CPQ: variants seen among roughly 807,000 people sequenced by gnomAD.
CPQ encodes carboxypeptidase Q.
In CPQ, 37 loss-of-function variants were observed where a neutral mutation model predicts 45.7. That is an observed-to-expected ratio of 0.81 (90% CI 0.62 to 1.07). The LOEUF is 1.07. Among genes scored for constraint, CPQ ranks in the 50% least tolerant of loss-of-function variants. CPQ has a pLI of 0.00. For synonymous variants in CPQ, 186 were observed against 205.8 expected (o/e 0.90, Z 0.82); for missense variants, 537 against 572.9 (o/e 0.94, Z 0.64).
chr8:96,942,437 T>A (rs1164774262), intron 4 of CPQ, among the ~76,000 whole-genome samples: 1 of 152,076 alleles, frequency 6.6e-6, no homozygotes, highest in Non-Finnish European at 1.5e-5. Context: ...CCCAGCGAGA[T>A]TTGTAGTTTT....
intron 1 of CPQ, among the ~76,000 whole-genome samples, chr8:96,676,174 T>C (rs1446448307): frequency 1.3e-5 from 2 of 152,008 alleles, no homozygotes; most frequent in Non-Finnish European, 2.9e-5. Flanking sequence ...AAATTATTAT[T>C]ACTATGTCAC....
intron 7 of CPQ, among the ~76,000 whole-genome samples, chr8:97,126,236 C>T (rs1411574509): frequency 1.3e-5 from 2 of 152,122 alleles, no homozygotes; most frequent in East Asian, 3.8e-4. Context: ...TGCACTTGTA[C>T]CCACTAACCC....
At chr8:96,989,017 C>T (rs1397043663) in intron 5 of CPQ, among the ~76,000 whole-genome samples, 2 of 152,166 alleles carry the variant, frequency 1.3e-5, no homozygotes, top group African/African-American at 4.8e-5. Flanking sequence ...GAGACTCTGA[C>T]AAGATTATCT....
intron 2 of CPQ, among the ~76,000 whole-genome samples, chr8:96,787,324 T>C (rs924458411): frequency 5.3e-5 from 8 of 152,074 alleles, no homozygotes; most frequent in African/African-American, 1.9e-4. Flanking sequence ...AAAAGACTAT[T>C]CTTTCTCCTT....
intron 5 of CPQ, among the ~76,000 whole-genome samples, chr8:96,973,837 C>T (rs552032423): frequency 6.6e-6 from 1 of 152,276 alleles, no homozygotes; most frequent in African/African-American, 2.4e-5. Flanking sequence ...TTCACCACTA[C>T]CGAGCCAGTA....
At chr8:97,089,640 C>G (rs1811099204) in intron 7 of CPQ, among the ~76,000 whole-genome samples, 2 of 152,154 alleles carry the variant, frequency 1.3e-5, no homozygotes, top group Non-Finnish European at 2.9e-5. Context: ...TTACAGGACC[C>G]CTTCTGAAAG....
chr8:97,070,701 A>C (rs1810725603), intron 7 of CPQ, among the ~76,000 whole-genome samples: 1 of 152,318 alleles, frequency 6.6e-6, no homozygotes, highest in East Asian at 1.9e-4. Context: ...AGTGATTCTC[A>C]CACATAAAAT....
intron 7 of CPQ, among the ~76,000 whole-genome samples, chr8:97,079,344 T>C (rs1045011152): frequency 2.0e-5 from 3 of 152,194 alleles, no homozygotes; most frequent in African/African-American, 7.2e-5. Context: ...CCCAAGTAAA[T>C]GCTATGAAGC....
chr8:96,925,855 A>C (rs916722635), intron 4 of CPQ, among the ~76,000 whole-genome samples: 1 of 149,270 alleles, frequency 6.7e-6, no homozygotes, highest in Non-Finnish European at 1.5e-5. Context: ...ACGCCCAGCT[A>C]ATTTTTTGTA....
At chr8:96,742,822 G>A (rs556876561) in intron 1 of CPQ, among the ~76,000 whole-genome samples, 2 of 152,254 alleles carry the variant, frequency 1.3e-5, no homozygotes, top group African/African-American at 2.4e-5. Flanking sequence ...CTTCTGGCTT[G>A]TAGAGTTTCT....
chr8:96,999,880 C>T (rs1291682518), intron 5 of CPQ, among the ~76,000 whole-genome samples: 2 of 152,066 alleles, frequency 1.3e-5, no homozygotes, highest in East Asian at 1.9e-4. Context: ...TCCTTTTTCT[C>T]CACAACCTTA....
intron 2 of CPQ, among the ~76,000 whole-genome samples, chr8:96,786,906 A>T (rs1810775833): frequency 6.6e-6 from 1 of 152,096 alleles, no homozygotes; most frequent in South Asian, 2.1e-4. Context: ...AAGCTTTTTT[A>T]ATGTATTGTA....
chr8:97,093,214 C>T lies in CPQ; in HGVS notation c.1255+27004C>T, dbSNP rs184088504. Among the ~76,000 whole-genome samples the T allele has an allele frequency of 2.0e-5, 3 of 152,250 alleles. No homozygotes were observed. In the East Asian group the frequency reaches 5.8e-4, roughly 29 times the overall value. ...GAGAAAAAAGAATACTTACACACTG[C>T]TGGTGGGAATGTAAATTAGTTCAGC... is the stretch of plus-strand genomic sequence containing the variant. On this transcript the variant is annotated intron_variant, in intron 7 of 7. Transcript: ENST00000220763.
intron 7 of CPQ, among the ~76,000 whole-genome samples, chr8:97,106,397 CT>C (rs1432792595): frequency 1.3e-5 from 2 of 152,218 alleles, no homozygotes; most frequent in Non-Finnish European, 2.9e-5. Flanking sequence ...GATCACACAT[CT>C]GTTAACACAT....
chr8:97,029,765 A>G lies in CPQ; in HGVS notation c.1053+271A>G, dbSNP rs146276864. Among the ~76,000 whole-genome samples the G allele has an allele frequency of 6.6e-5, 10 of 152,260 alleles. No homozygotes were observed. The East Asian group carries it at 1.5e-3, about 24-fold the overall frequency. ...CCATGCTGCCATTTTTTTCAAGTCT[A>G]CCTAGTTCTGCTGTATTCATGTATG... On this transcript the variant is annotated intron_variant, in intron 6 of 7. Coordinates refer to ENST00000220763, the MANE Select transcript of CPQ (RefSeq NM_016134.4).
chr8:96,741,954 G>T (rs1293518299), intron 1 of CPQ, among the ~76,000 whole-genome samples: 2 of 144,238 alleles, frequency 1.4e-5, no homozygotes. Context: ...ATATTCTGTT[G>T]ATTTGGGGTG....
rs1336192340 is a variant in CPQ at position 96,912,491 on chromosome 8, C to T, written c.849+32486C>T. 2.0e-5 allele frequency among the ~76,000 whole-genome samples: 3 copies of T among 152,016 alleles called. 1 individual carries two copies. The highest frequency in any genetic ancestry group is 4.4e-5 in the Non-Finnish European group (3 of 67,990). ...TAGTATAATAATAATGATTAAAATG[C>T]TTATTAAAGAGCACATTAAAAGATA... On this transcript the variant is annotated intron_variant, in intron 4 of 7. Transcript: ENST00000220763.
At chr8:96,862,938 A>G (rs1215325299) in intron 3 of CPQ, among the ~76,000 whole-genome samples, 1 of 152,020 alleles carries the variant, frequency 6.6e-6, no homozygotes, top group Admixed American at 6.6e-5. Context: ...GACCCTAGCA[A>G]TATTGGAGGG....
chr8:96,996,687 G>A (rs759705475), intron 5 of CPQ, among the ~76,000 whole-genome samples: 1 of 151,770 alleles, frequency 6.6e-6, no homozygotes, highest in Non-Finnish European at 1.5e-5. Flanking sequence ...TTTTATAATT[G>A]GTTCCTGTTT....
Sources: allele counts gnomAD v4.1 joint callset (sites outside exome capture counted in the v4.1 genomes callset), GRCh38; gene constraint gnomAD v4.1.1; transcripts MANE v1.5; gene names NCBI Gene and HGNC (gene_info 2026-07-23, HGNC 2026-07-21).